AGBL1: variants seen among roughly 807,000 people sequenced by gnomAD.
The protein encoded by AGBL1 is cytosolic carboxypeptidase 4.
AGBL1 carries 130 observed loss-of-function variants against 118.9 expected under a neutral mutation model. The ratio of observed to expected loss-of-function variants is 1.09; its 90% CI spans 0.95 to 1.26. The LOEUF is 1.26. AGBL1 is among the 50% of genes most tolerant of loss of function. The pLI, the probability that AGBL1 is intolerant of heterozygous loss-of-function variation, is 0.00. For synonymous variants in AGBL1, 555 were observed against 478.9 expected, an observed-to-expected ratio of 1.16 and a Z score of -2.08; for missense variants, 1,584 against 1,298.1, an observed-to-expected ratio of 1.22 and a Z score of -3.38.
At chr15:86,610,166 C>T (rs1238736204) in intron 21 of AGBL1, among the ~76,000 whole-genome samples, 1 of 152,130 alleles carries the variant, frequency 6.6e-6, no homozygotes, top group Non-Finnish European at 1.5e-5. Context: ...ATAATACATT[C>T]AATGGAAGAT....
At chr15:86,282,295 C>T (rs368230145) in intron 16 of AGBL1, among the ~76,000 whole-genome samples, 1 of 152,086 alleles carries the variant, frequency 6.6e-6, no homozygotes, top group Non-Finnish European at 1.5e-5. Flanking sequence ...GAAAGAGAGG[C>T]CTTGTTAATT....
chr15:86,925,380 T>C (rs12913974), intron 23 of AGBL1, among the ~76,000 whole-genome samples: 103,909 of 151,750 alleles, frequency 0.68, 36,474 homozygotes, highest in South Asian at 0.89. Context: ...CTTTGAGAAC[T>C]GCTGTCCTAA....
At chr15:86,253,903 A>G (rs758701383) in intron 7 of AGBL1, among the ~76,000 whole-genome samples, 1 of 152,132 alleles carries the variant, frequency 6.6e-6, no homozygotes, top group Non-Finnish European at 1.5e-5. Context: ...AAACTGATTT[A>G]TGCTTTTAAA....
intron 22 of AGBL1, among the ~76,000 whole-genome samples, chr15:86,727,099 C>A (rs940155065): frequency 1.3e-5 from 2 of 152,086 alleles, no homozygotes; most frequent in African/African-American, 4.8e-5. Context: ...TCAGGCAGTA[C>A]TTGGGATGAT....
At chr15:86,229,188 C>T (rs1044700668) in intron 6 of AGBL1, among the ~76,000 whole-genome samples, 7 of 152,078 alleles carry the variant, frequency 4.6e-5, no homozygotes, top group Non-Finnish European at 8.8e-5. Flanking sequence ...CTTTGTTTTT[C>T]CCTCTGTATT....
chr15:86,787,451 G>A (rs2078428913), intron 22 of AGBL1, among the ~76,000 whole-genome samples: 1 of 151,936 alleles, frequency 6.6e-6, no homozygotes, highest in African/African-American at 2.4e-5. Context: ...CCTAGTAATT[G>A]CTGTTCTAGT....
At chr15:86,302,789 A>G (rs1455056113) in intron 17 of AGBL1, among the ~76,000 whole-genome samples, 1 of 151,474 alleles carries the variant, frequency 6.6e-6, no homozygotes, top group African/African-American at 2.4e-5. Flanking sequence ...AAAAAAAAAA[A>G]AAAAAAAAAA....
chr15:86,746,948 C>G (rs1222236568), intron 22 of AGBL1, among the ~76,000 whole-genome samples: 1 of 152,022 alleles, frequency 6.6e-6, no homozygotes, highest in Admixed American at 6.6e-5. Context: ...TACTGTTTAA[C>G]TATTAAGGAA....
At chr15:86,841,191 A>G (rs2079239887) in intron 22 of AGBL1, among the ~76,000 whole-genome samples, 1 of 152,202 alleles carries the variant, frequency 6.6e-6, no homozygotes, top group South Asian at 2.1e-4. Context: ...ACTAGAAGAA[A>G]GATGGCAGTT....
chr15:86,791,196 C>G (rs2078488725), intron 22 of AGBL1, among the ~76,000 whole-genome samples: 2 of 152,174 alleles, frequency 1.3e-5, no homozygotes, highest in Non-Finnish European at 2.9e-5. Flanking sequence ...GACCTGGTCA[C>G]TTTAGTAAGC....
At chr15:86,681,991 A>G (rs780080919) in intron 22 of AGBL1, among the ~76,000 whole-genome samples, 7 of 152,336 alleles carry the variant, frequency 4.6e-5, no homozygotes, top group Admixed American at 2.6e-4. Flanking sequence ...TTCAGTTTCA[A>G]GTTAACTTTC....
At chr15:86,271,476 T>TC in intron 14 of AGBL1, 143 bp from the exon 15 acceptor site, 1 of 673,776 alleles carries the variant, frequency 1.5e-6, no homozygotes, top group Non-Finnish European at 2.6e-6. Flanking sequence ...CTTAACTTAA[T>TC]CATATCTGCA....
At chr15:86,733,567 T>G (rs1596417911) in intron 22 of AGBL1, among the ~76,000 whole-genome samples, 2 of 152,214 alleles carry the variant, frequency 1.3e-5, no homozygotes, top group Non-Finnish European at 2.9e-5. Context: ...GTAACTATAA[T>G]ATAAGCATTA....
At chr15:86,631,567 T>A (rs1351005514) in intron 21 of AGBL1, among the ~76,000 whole-genome samples, 1 of 152,236 alleles carries the variant, frequency 6.6e-6, no homozygotes, top group East Asian at 1.9e-4. Context: ...GTAGTTTGAG[T>A]TGAGGCCTGC....
chr15:86,174,705 A>T (rs560004478), intron 5 of AGBL1, among the ~76,000 whole-genome samples: 90 of 152,238 alleles, frequency 5.9e-4, no homozygotes, highest in African/African-American at 2.1e-3. Context: ...TTTATCATGA[A>T]GGAATGTTCA....
At chr15:86,129,117 A>C (rs2076786377) in intron 1 of AGBL1, among the ~76,000 whole-genome samples, 4 of 152,250 alleles carry the variant, frequency 2.6e-5, no homozygotes, top group Admixed American at 2.6e-4. Flanking sequence ...ATGAATTAAT[A>C]GTCATTCAAA....
chr15:86,108,195 G>A (rs1220098511), intron 1 of AGBL1, among the ~76,000 whole-genome samples: 1 of 152,248 alleles, frequency 6.6e-6, no homozygotes, highest in Non-Finnish European at 1.5e-5. Flanking sequence ...AGGAATAGCA[G>A]CTCTCTTGAG....
At chr15:86,872,441 T>C (rs1596575203) in intron 22 of AGBL1, among the ~76,000 whole-genome samples, 5 of 152,284 alleles carry the variant, frequency 3.3e-5, no homozygotes, top group South Asian at 2.1e-4. Context: ...TTACTATTAT[T>C]GCAGAGAAAA....
intron 22 of AGBL1, among the ~76,000 whole-genome samples, chr15:86,764,148 G>A (rs1238817059): frequency 6.6e-6 from 1 of 152,008 alleles, no homozygotes; most frequent in Non-Finnish European, 1.5e-5. Context: ...GGATTAGAAA[G>A]TCCAGCTGCC....
Sources: allele counts gnomAD v4.1 joint callset (sites outside exome capture counted in the v4.1 genomes callset), GRCh38; gene constraint gnomAD v4.1.1; transcripts MANE v1.5; gene names NCBI Gene and HGNC (gene_info 2026-07-23, HGNC 2026-07-21).